Variants in MOV10L1 observed in about 807,000 individuals in gnomAD.
MOV10L1 encodes RNA helicase Mov10l1.
MOV10L1 carries 110 observed loss-of-function variants against 143.8 expected under a neutral mutation model. That is an observed-to-expected ratio of 0.76 (90% CI 0.66 to 0.90). MOV10L1 has a LOEUF of 0.90. Among genes scored for constraint, MOV10L1 ranks in the 40% least tolerant of loss-of-function variants. The probability of loss-of-function intolerance (pLI) is 0.00; values close to 1 mark genes in which losing one functional copy is unlikely to be tolerated. For missense variants in MOV10L1, 1,406 were observed against 1,526.8 expected (o/e 0.92, Z 1.32); for synonymous variants, 593 against 581.1 (o/e 1.02, Z -0.29).
Position 50,119,106 on chromosome 22 carries a change from T to C in MOV10L1, c.1455-1396T>C, listed in dbSNP as rs187951919. 3.5e-4 allele frequency among the ~76,000 whole-genome samples: 54 copies of C among 152,278 alleles called. No individual in the cohort carries two copies. The East Asian group carries it at 9.3e-3, about 26-fold the overall frequency. On this transcript the variant is annotated intron_variant, in intron 9 of 26. Coordinates refer to ENST00000262794, the MANE Select transcript of MOV10L1 (RefSeq NM_018995.3). Reference sequence around the variant, plus strand: ...GACACACCAAGCAGCTTTCTAGTTATCATTTGGCTTAACAGAAAGAGTGAA... The same window carrying C: ...GACACACCAAGCAGCTTTCTAGTTACCATTTGGCTTAACAGAAAGAGTGAA...
At chr22:50,124,877 C>A (rs1383018381) in intron 10 of MOV10L1, among the ~76,000 whole-genome samples, 2 of 152,178 alleles carry the variant, frequency 1.3e-5, no homozygotes, top group Non-Finnish European at 2.9e-5. Context: ...AGTCATGGGG[C>A]CCCCATGGAT....
chr22:50,090,223 C>T, intron 1 of MOV10L1, 38 bp downstream of exon 1: 1 of 1,410,606 alleles, frequency 7.1e-7, no homozygotes, highest in Non-Finnish European at 9.2e-7. Flanking sequence ...GGGTCCCGGG[C>T]CCTCGCGTGT....
chr22:50,145,679 T>A lies in MOV10L1; in HGVS notation c.2506-10T>A. The A allele has an allele frequency of 1.2e-6, 2 of 1,613,950 alleles. No individual in the cohort carries two copies. The highest frequency in any genetic ancestry group is 1.7e-6 in the Non-Finnish European group (2 of 1,179,926). ...AGGAGTAAACTAACTCTACGCCTCC[T>A]TGCCCCCAGATAGTTATTGACGCCG... On this transcript the variant is annotated splice_polypyrimidine_tract_variant and intron_variant, in intron 18 of 26. Coordinates refer to ENST00000262794, the MANE Select transcript of MOV10L1 (RefSeq NM_018995.3).
intron 15 of MOV10L1, among the ~76,000 whole-genome samples, chr22:50,136,176 TA>T (rs2062819148): frequency 6.6e-6 from 1 of 152,174 alleles, no homozygotes; most frequent in South Asian, 2.1e-4. Context: ...GTTCTGCAAA[TA>T]GAAAAGAGTC....
chr22:50,105,299 G>C (rs1478397916), intron 3 of MOV10L1, among the ~76,000 whole-genome samples: 6 of 152,100 alleles, frequency 3.9e-5, no homozygotes, highest in African/African-American at 1.4e-4. Context: ...TTTACAAGCT[G>C]ACATTCATCA....
chr22:50,133,073 C>T (rs947266783), intron 13 of MOV10L1, among the ~76,000 whole-genome samples: 3 of 151,678 alleles, frequency 2.0e-5, no homozygotes, highest in Non-Finnish European at 4.4e-5. Context: ...TTCTTCTTCT[C>T]TTATTTGGAT....
Position 50,120,524 on chromosome 22 carries a change from A to C in MOV10L1, c.1477A>C (p.Ser493Arg), listed in dbSNP as rs2062308794. The part of the protein sequence containing the change: ...QKRNSRRQLP[S>R]FLPQYPIPDR... ...AAGGAACTCAAGACGACAACTTCCA[A>C]GTTTTCTTCCCCAATATCCAATCCC... The change falls in exon 10 of 27, where the codon AGT (serine) becomes CGT (arginine). Residue 493 changes from serine to arginine, a missense_variant. This residue lies in a region of MOV10L1 where 1,233 missense variants were observed against 1,351.4 expected (regional missense o/e 0.91). Transcript: ENST00000262794. 1.2e-6 allele frequency: 2 copies of C among 1,611,516 alleles called. No individual in the cohort carries two copies. Among genetic ancestry groups the C allele is most frequent in the East Asian group, 4.5e-5 (2 of 44,882 alleles).
At position 50,125,524 on chromosome 22, in the gene MOV10L1, C is replaced by T. The variant is rs1219273377; in HGVS notation, c.1702C>T (p.Leu568=). The T allele has an allele frequency of 1.2e-6, 2 of 1,614,054 alleles. No individual in the cohort carries two copies. Among genetic ancestry groups the T allele is most frequent in the African/African-American group, 1.3e-5 (1 of 74,920 alleles). ...ILRRNGDLLV[L]EVPGLAEGRP... ...AAGAAGGAATGGGGATCTGCTGGTT[C>T]TGGAGGTCCCAGGGTTGGCCGAAGG... The change falls in exon 11 of 27, where the codon CTG becomes TTG. Residue 568 remains leucine, a synonymous_variant. Transcript: ENST00000262794.
intron 5 of MOV10L1, 83 bp downstream of exon 5, chr22:50,108,927 C>G: frequency 7.2e-7 from 1 of 1,384,812 alleles, no homozygotes; most frequent in Non-Finnish European, 1.0e-6. Flanking sequence ...GACGGATCAC[C>G]TGAGGTTGGG....
chr22:50,141,144 G>A (rs1369482652), intron 15 of MOV10L1, among the ~76,000 whole-genome samples: 1 of 151,856 alleles, frequency 6.6e-6, no homozygotes, highest in East Asian at 1.9e-4. Context: ...TCCACCTCCC[G>A]GGTTCAAGCT....
intron 22 of MOV10L1, among the ~76,000 whole-genome samples, chr22:50,155,166 T>C (rs895282100): frequency 6.6e-6 from 1 of 152,198 alleles, no homozygotes; most frequent in Non-Finnish European, 1.5e-5. Context: ...TCACTTATTA[T>C]TTACAATAAA....
intron 19 of MOV10L1, chr22:50,146,959 G>A: frequency 3.6e-6 from 4 of 1,101,908 alleles, no homozygotes; most frequent in East Asian, 5.2e-5. Flanking sequence ...CCACTGTGCG[G>A]TGCCCGAGAG....
At chr22:50,133,894 T>C in intron 13 of MOV10L1, 113 bp from the exon 14 acceptor site, 1 of 889,838 alleles carries the variant, frequency 1.1e-6, no homozygotes, top group Non-Finnish European at 1.7e-6. Context: ...ATTGTTGCTG[T>C]GATTTTTTTA....
In MOV10L1 at chr22:50,158,074, G is replaced by A. The variant is rs368373557; in HGVS notation, c.3084G>A (p.Glu1028=). 2.0e-4 allele frequency: 325 copies of A among 1,613,754 alleles called. 1 individual carries two copies. The highest frequency in any genetic ancestry group is 2.4e-4 in the Non-Finnish European group (287 of 1,179,840). Residue 1028 remains glutamate, a synonymous_variant, in exon 23 of 27, where the codon GAG becomes GAA. Transcript: ENST00000262794. This position sits in a 1 kb window ranked among gnomAD's most constrained non-coding sequence, Gnocchi z 5.0. ...FHGVRGSEAR[E]GKSPSWFNPA... ...CAACCCAGGGCAGCGAGGCACGGGAGGGAAAAAGCCCATCGTGGTTCAACC... is the reference window on the plus strand; with the variant it reads ...CAACCCAGGGCAGCGAGGCACGGGAAGGAAAAAGCCCATCGTGGTTCAACC...
chr22:50,143,301 T>C (rs1006037943), intron 17 of MOV10L1, 80 bp downstream of exon 17: 2 of 1,450,102 alleles, frequency 1.4e-6, no homozygotes, highest in Non-Finnish European at 1.9e-6. Flanking sequence ...AGTGTGAGTT[T>C]AGATTGTAGA....
chr22:50,157,923 A>G (rs983510904), intron 22 of MOV10L1, 134 bp from the exon 23 acceptor site: 5 of 1,081,656 alleles, frequency 4.6e-6, no homozygotes, highest in Non-Finnish European at 4.0e-6. Flanking sequence ...GCTCACATGT[A>G]AGTTCTGCAC....
At chr22:50,098,203 C>G (rs951445163) in intron 2 of MOV10L1, among the ~76,000 whole-genome samples, 1 of 148,550 alleles carries the variant, frequency 6.7e-6, no homozygotes, top group Non-Finnish European at 1.5e-5. Flanking sequence ...AGATTGTCAT[C>G]TTAATAATAA....
At position 50,158,828 on chromosome 22, in the gene MOV10L1, C is replaced by T. The variant is rs2063489374; in HGVS notation, c.3216+622C>T. ...CTAGGCCATCACAGTAACAGATCAC[C>T]TGTACCGCGCGTGTGCTGACCGCAG... is the stretch of plus-strand genomic sequence containing the variant. On this transcript the variant is annotated intron_variant, in intron 23 of 26. Coordinates refer to ENST00000262794, the MANE Select transcript of MOV10L1 (RefSeq NM_018995.3). This position sits in a 1 kb window ranked among gnomAD's most constrained non-coding sequence, Gnocchi z 5.0. 6.6e-6 allele frequency: 1 copy of T among 152,488 alleles called. No homozygotes were observed. Among genetic ancestry groups the T allele is most frequent in the African/African-American group, 2.4e-5 (1 of 41,440 alleles). 9.4% of individuals were successfully genotyped at this position (152,488 alleles called of 1,614,324 possible).
Position 50,144,641 on chromosome 22 carries a change from GCA to G in MOV10L1, c.2505+399_2505+400del, listed in dbSNP as rs1318624914. Among the ~76,000 whole-genome samples, 772 of 152,010 alleles carry G rather than the reference GCA, an allele frequency of 5.1e-3. 7 individuals carry two copies. The highest frequency in any genetic ancestry group is 0.018 in the African/African-American group (729 of 41,442). ...GTGTCGCCCAGGCTGAAGTGCAGTG[GCA>G]TGATCTCGGCTCACTGCAAGCTCCG... On this transcript the variant is annotated intron_variant, in intron 18 of 26. Transcript: ENST00000262794.
Sources: gnomAD v4.1 joint callset for allele counts (sites outside exome capture counted in the v4.1 genomes callset) on GRCh38, gnomAD v4.1.1 for gene constraint, gnomAD v4.1.1 regional missense constraint, Gnocchi (gnomAD v3.1) non-coding constraint, MANE v1.5 for transcripts, NCBI Gene and HGNC (gene_info 2026-07-23, HGNC 2026-07-21) for gene names.